The following AIG1 variants were observed in gnomAD, a reference collection of about 807,000 sequenced individuals.
The protein encoded by AIG1 is androgen-induced gene 1 protein.
A neutral mutation model predicts 31.4 loss-of-function variants in AIG1; 23 were observed. The ratio of observed to expected loss-of-function variants is 0.73; its 90% CI spans 0.53 to 1.04. The LOEUF is 1.04. AIG1 is among the 50% of genes least tolerant of loss of function. The pLI, the probability that AIG1 is intolerant of heterozygous loss-of-function variation, is 0.00. For missense variants in AIG1, 274 were observed against 295.0 expected, an observed-to-expected ratio of 0.93 and a Z score of 0.52; for synonymous variants, 100 against 110.5, an observed-to-expected ratio of 0.90 and a Z score of 0.60.
chr6:143,061,607 C>T (rs2128454424), intron 1 of AIG1: 1 of 288,492 alleles, frequency 3.5e-6, no homozygotes. Flanking sequence ...CTGTTTTTTT[C>T]CCCCATTGTC....
chr6:143,259,472 C>G (rs1265944267), intron 3 of AIG1, among the ~76,000 whole-genome samples: 2 of 152,180 alleles, frequency 1.3e-5, no homozygotes, highest in Non-Finnish European at 2.9e-5. Context: ...CTTCTGCCAT[C>G]TAGCCATTAA....
chr6:143,185,721 A>G (rs998718574), intron 3 of AIG1, among the ~76,000 whole-genome samples: 43 of 151,918 alleles, frequency 2.8e-4, no homozygotes, highest in African/African-American at 1.0e-3. Flanking sequence ...TGCATATTCC[A>G]TTATCTGGCT....
At chr6:143,207,786 T>C (rs1791242781) in intron 3 of AIG1, among the ~76,000 whole-genome samples, 1 of 151,834 alleles carries the variant, frequency 6.6e-6, no homozygotes, top group African/African-American at 2.4e-5. Context: ...AGAAAGGAAA[T>C]GAAGAAAATA....
chr6:143,109,563 T>C (rs2128489909), intron 1 of AIG1, among the ~76,000 whole-genome samples: 1 of 152,350 alleles, frequency 6.6e-6, no homozygotes, highest in South Asian at 2.1e-4. Context: ...TTTTTTTTAA[T>C]TTTAGCTATT....
intron 3 of AIG1, among the ~76,000 whole-genome samples, chr6:143,182,634 C>A (rs759550943): frequency 1.3e-4 from 19 of 150,332 alleles, no homozygotes; most frequent in Non-Finnish European, 1.6e-4. Flanking sequence ...ACTAATCATC[C>A]TTGATATATA....
intron 1 of AIG1, among the ~76,000 whole-genome samples, chr6:143,083,249 G>A (rs567883153): frequency 6.6e-6 from 1 of 152,326 alleles, no homozygotes; most frequent in East Asian, 1.9e-4. Context: ...TTCTGAACGG[G>A]CAGCTAGAAG....
chr6:143,165,242 G>A lies in AIG1; in HGVS notation c.399+59G>A, dbSNP rs532666321. ...TTTAAAAAATCTATTAAATAGCTAT[G>A]ATCTGCTATTTAGACCTTCCATAGA... On this transcript the variant is annotated intron_variant, in intron 3 of 5. Transcript: ENST00000357847. 8.7e-5 allele frequency: 117 copies of A among 1,337,192 alleles called. No homozygotes were observed. The South Asian group carries it at 1.3e-3, about 15-fold the overall frequency. 82.8% of individuals were successfully genotyped at this position (1,337,192 alleles called of 1,614,324 possible). A position where few individuals can be genotyped will look rare whatever the true frequency, so the allele number is the denominator to read the frequency against.
chr6:143,321,596 A>T (rs1776215147), intron 4 of AIG1, among the ~76,000 whole-genome samples: 1 of 152,184 alleles, frequency 6.6e-6, no homozygotes, highest in Non-Finnish European at 1.5e-5. Context: ...TATAAAAAAA[A>T]AATTAAAATG....
intron 3 of AIG1, among the ~76,000 whole-genome samples, chr6:143,265,316 T>A (rs1277426691): frequency 6.6e-6 from 1 of 152,232 alleles, no homozygotes; most frequent in Non-Finnish European, 1.5e-5. Flanking sequence ...AACTAGCATT[T>A]CTTTGTTAAA....
chr6:143,065,809 C>G (rs753832046), intron 1 of AIG1, among the ~76,000 whole-genome samples: 9 of 152,196 alleles, frequency 5.9e-5, no homozygotes, highest in Admixed American at 2.0e-4. Flanking sequence ...GAATCAACTT[C>G]TTTGAAAACC....
intron 3 of AIG1, among the ~76,000 whole-genome samples, chr6:143,267,003 A>G (rs534249999): frequency 2.6e-5 from 4 of 152,330 alleles, no homozygotes; most frequent in Non-Finnish European, 4.4e-5. Flanking sequence ...GAATATGCAC[A>G]TGAATCAGAA....
chr6:143,324,380 G>A (rs1776443349), intron 4 of AIG1, among the ~76,000 whole-genome samples: 1 of 152,132 alleles, frequency 6.6e-6, no homozygotes. Flanking sequence ...TTTCTATAAT[G>A]AGCATGAATT....
chr6:143,295,276 C>G (rs544258310), intron 4 of AIG1, among the ~76,000 whole-genome samples: 1 of 152,340 alleles, frequency 6.6e-6, no homozygotes, highest in South Asian at 2.1e-4. Flanking sequence ...TCAGTTATCT[C>G]TCCTCTCAAC....
At chr6:143,305,418 T>A (rs902061462) in intron 4 of AIG1, among the ~76,000 whole-genome samples, 1 of 152,346 alleles carries the variant, frequency 6.6e-6, no homozygotes, top group Admixed American at 6.5e-5. Context: ...GATTCTGGTA[T>A]GTTGTGTCTT....
intron 4 of AIG1, among the ~76,000 whole-genome samples, chr6:143,286,358 A>G (rs1797679726): frequency 6.6e-6 from 1 of 152,132 alleles, no homozygotes; most frequent in African/African-American, 2.4e-5. Flanking sequence ...CTCCCTAAGC[A>G]AACCAGTACT....
At chr6:143,188,100 C>G (rs953317313) in intron 3 of AIG1, 1 of 1,005,008 alleles carries the variant, frequency 1.0e-6, no homozygotes, top group African/African-American at 1.7e-5. Context: ...AATGGAGAGA[C>G]GGGAGTTTAA....
intron 3 of AIG1, among the ~76,000 whole-genome samples, chr6:143,166,682 G>A (rs780709354): frequency 5.9e-5 from 9 of 152,152 alleles, no homozygotes; most frequent in South Asian, 2.1e-4. Flanking sequence ...GAATGAATTC[G>A]CTATAGCCAA....
Position 143,339,445 on chromosome 6 carries a change from T to C in AIG1, c.680-194T>C, listed in dbSNP as rs1293203472. Reference sequence around the variant, plus strand: ...GGAAAGGGTGGGGAAGAGAGGTCACTGAGGATGTTTCTGGAGAAAGTTGTG... The same window carrying C: ...GGAAAGGGTGGGGAAGAGAGGTCACCGAGGATGTTTCTGGAGAAAGTTGTG... On this transcript the variant is annotated intron_variant, in intron 5 of 5. Coordinates refer to ENST00000357847, the MANE Select transcript of AIG1 (RefSeq NM_016108.4). 1.0e-5 allele frequency: 5 copies of C among 502,182 alleles called. No individual in the cohort carries two copies. The East Asian group carries it at 1.9e-4, about 19-fold the overall frequency. The allele number at this position is 502,182 out of a possible 1,614,324, so 31.1% of individuals were successfully genotyped here.
chr6:143,184,030 T>C (rs938698789), intron 3 of AIG1, among the ~76,000 whole-genome samples: 3 of 152,160 alleles, frequency 2.0e-5, no homozygotes, highest in Non-Finnish European at 4.4e-5. Flanking sequence ...GAGGCTGCAT[T>C]TTCTATCATA....
Sources: allele counts gnomAD v4.1 joint callset (sites outside exome capture counted in the v4.1 genomes callset), GRCh38; gene constraint gnomAD v4.1.1; transcripts MANE v1.5; gene names NCBI Gene and HGNC (gene_info 2026-07-23, HGNC 2026-07-21).